The following LGALS3BP variants were observed in gnomAD, a reference collection of about 807,000 sequenced individuals.
LGALS3BP encodes the protein galectin-3-binding protein.
In LGALS3BP, 25 loss-of-function variants were observed where a neutral mutation model predicts 22.9. That is an observed-to-expected ratio of 1.09 (90% CI 0.80 to 1.53). The LOEUF (loss-of-function observed/expected upper bound fraction) is 1.53. Ranked by LOEUF, LGALS3BP falls within the 40% of genes most tolerant of loss-of-function variation. The probability of loss-of-function intolerance (pLI) is 0.00; values close to 1 mark genes in which losing one functional copy is unlikely to be tolerated. For synonymous variants in LGALS3BP, 335 were observed against 331.1 expected, an observed-to-expected ratio of 1.01 and a Z score of -0.13; for missense variants, 718 against 752.0, an observed-to-expected ratio of 0.95 and a Z score of 0.53.
In LGALS3BP at chr17:78,976,156, C is replaced by A; in HGVS notation, c.53G>T (p.Gly18Val). 2 of 1,571,418 alleles carry A rather than the reference C, an allele frequency of 1.3e-6. No homozygotes were observed. The highest frequency in any genetic ancestry group is 1.2e-5 in the South Asian group (1 of 85,682). ...WVWLLVAGTQ[G>V]VNDGDMRLAD... ...CAGCCGCATGTCACCATCGTTCACGCCTGCAGGCAGAGACCAGCGAGGGCG... is the reference window on the plus strand; with the variant it reads ...CAGCCGCATGTCACCATCGTTCACGACTGCAGGCAGAGACCAGCGAGGGCG... Residue 18 changes from glycine to valine, a missense_variant and splice_region_variant, in exon 3 of 6, where the codon GGC becomes GTC. Coordinates refer to ENST00000262776, the MANE Select transcript of LGALS3BP (RefSeq NM_005567.4). The surrounding 1 kb of genome is among the most constrained non-coding windows in gnomAD (Gnocchi z 4.6).
rs201434077 is a variant in LGALS3BP at position 78,977,166 on chromosome 17, A to G, written c.26T>C (p.Val9Ala). 1.2e-6 allele frequency: 2 copies of G among 1,613,314 alleles called. No homozygotes were observed. Among genetic ancestry groups the G allele is most frequent in the East Asian group, 4.5e-5 (2 of 44,856 alleles). The change falls in exon 2 of 6, where the codon GTG becomes GCG. Residue 9 changes from valine (V) to alanine (A), a missense_variant. Coordinates refer to ENST00000262776, the MANE Select transcript of LGALS3BP (RefSeq NM_005567.4). MTPPRLFWVWLLVAGTQGV... is the reference protein window; with the variant it reads MTPPRLFWAWLLVAGTQGV... Reference sequence around the variant, plus strand: ...TTGGGTTCCTGCAACCAGCAGCCACACCCAGAAGAGCCTCGGAGGGGTCAT... The same window carrying G: ...TTGGGTTCCTGCAACCAGCAGCCACGCCCAGAAGAGCCTCGGAGGGGTCAT...
Position 78,976,968 on chromosome 17 carries a change from C to A in LGALS3BP, c.52+172G>T. On this transcript the variant is annotated intron_variant, in intron 2 of 5. Transcript: ENST00000262776. The surrounding 1 kb of genome is among the most constrained non-coding windows in gnomAD (Gnocchi z 4.6). ...CTGAACCCAGGTGAGCCCCCGGGAA[C>A]CTCCAAGTCATCATCACTGGGGATA... The A allele has an allele frequency of 4.4e-6, 3 of 675,662 alleles. No individual in the cohort carries two copies. The highest frequency in any genetic ancestry group is 7.9e-6 in the Non-Finnish European group (3 of 381,874). 41.9% of individuals were successfully genotyped at this position (675,662 alleles called of 1,614,324 possible). A position where few individuals can be genotyped will look rare whatever the true frequency, so the allele number is the denominator to read the frequency against.
At position 78,976,993 on chromosome 17, in the gene LGALS3BP, A is replaced by G. The variant is rs753276109; in HGVS notation, c.52+147T>C. 6.3e-5 allele frequency: 49 copies of G among 778,672 alleles called. No homozygotes were observed. Among genetic ancestry groups the G allele is most frequent in the Non-Finnish European group, 1.0e-4 (47 of 457,064 alleles). 48.2% of individuals were successfully genotyped at this position (778,672 alleles called of 1,614,324 possible). ...CCTCCAAGTCATCATCACTGGGGATACCTGGTGCTTCAAGCAGGAGAGAAG... is the reference window on the plus strand; with the variant it reads ...CCTCCAAGTCATCATCACTGGGGATGCCTGGTGCTTCAAGCAGGAGAGAAG... On this transcript the variant is annotated intron_variant, in intron 2 of 5. Transcript: ENST00000262776. The surrounding 1 kb of genome is among the most constrained non-coding windows in gnomAD (Gnocchi z 4.6).
chr17:78,972,176 C>T lies in LGALS3BP; in HGVS notation c.1158G>A (p.Val386=), dbSNP rs146920010. Residue 386 remains valine (V), a synonymous_variant, in exon 6 of 6, where the codon GTG becomes GTA. Coordinates refer to ENST00000262776, the MANE Select transcript of LGALS3BP (RefSeq NM_005567.4). This position sits in a 1 kb window ranked among gnomAD's most constrained non-coding sequence, Gnocchi z 5.1. ...KTLQALEFHT[V]PFQLLARYKG... ...TGTACCGGGCCAGCAACTGGAAGGG[C>T]ACAGTGTGGAATTCCAGGGCCTGCA... 8 of 1,613,888 alleles carry T rather than the reference C, an allele frequency of 5.0e-6. No homozygotes were observed. The highest frequency in any genetic ancestry group is 1.3e-5 in the African/African-American group (1 of 74,892).
At position 78,973,392 on chromosome 17, in the gene LGALS3BP, C is replaced by G. The variant is rs1396995577; in HGVS notation, c.377-170G>C. On this transcript the variant is annotated intron_variant, in intron 4 of 5. Transcript: ENST00000262776. The surrounding 1 kb of genome is among the most constrained non-coding windows in gnomAD (Gnocchi z 5.8). ...GACCGGAAGTGTCGGATTCCTGGAC[C>G]CTGAGGCCCCGCCCCTTCCAGCCCT... 1.3e-6 allele frequency: 1 copy of G among 790,624 alleles called. No individual in the cohort carries two copies. The highest frequency in any genetic ancestry group is 1.9e-6 in the Non-Finnish European group (1 of 518,214). 49.0% of individuals were successfully genotyped at this position (790,624 alleles called of 1,614,324 possible).
rs766110868 is a variant in LGALS3BP at position 78,976,885 on chromosome 17, G to T, written c.52+255C>A. ...ACTGCTGGTTTGATCAGCCCCTCTG[G>T]TTCCCTCTGGACGGAATGGAGGATT... On this transcript the variant is annotated intron_variant, in intron 2 of 5. Transcript: ENST00000262776. This position sits in a 1 kb window ranked among gnomAD's most constrained non-coding sequence, Gnocchi z 4.6. 17 of 535,090 alleles carry T rather than the reference G, an allele frequency of 3.2e-5. No individual in the cohort carries two copies. The highest frequency in any genetic ancestry group is 5.4e-5 in the Non-Finnish European group (16 of 298,210). 33.1% of individuals were successfully genotyped at this position (535,090 alleles called of 1,614,324 possible).
At position 78,973,676 on chromosome 17, in the gene LGALS3BP, C is replaced by T. The variant is rs537191531; in HGVS notation, c.377-454G>A. Among the ~76,000 whole-genome samples, 9 of 152,266 alleles carry T rather than the reference C, an allele frequency of 5.9e-5. No individual in the cohort carries two copies. Among genetic ancestry groups the T allele is most frequent in the East Asian group, 3.9e-4 (2 of 5,170 alleles). On this transcript the variant is annotated intron_variant, in intron 4 of 5. Coordinates refer to ENST00000262776, the MANE Select transcript of LGALS3BP (RefSeq NM_005567.4). This position sits in a 1 kb window ranked among gnomAD's most constrained non-coding sequence, Gnocchi z 5.8. ...CGGGGGTCCTCGAGCAGCTTCCTGT[C>T]GGGGAGAAGGCCTGCAGAAGTCATG...
chr17:78,978,769 A>G (rs546097833), intron 1 of LGALS3BP, among the ~76,000 whole-genome samples: 2 of 152,338 alleles, frequency 1.3e-5, no homozygotes, highest in Admixed American at 1.3e-4. Flanking sequence ...GGGCCTTGGA[A>G]AAATGGCCAA....
rs1301973839 is a variant in LGALS3BP, at chr17:78,972,096, G to A, written c.1238C>T (p.Thr413Ile). 2 of 1,613,400 alleles carry A rather than the reference G, an allele frequency of 1.2e-6. No homozygotes were observed. The highest frequency in any genetic ancestry group is 8.5e-7 in the Non-Finnish European group (1 of 1,179,416). Residue 413 changes from threonine to isoleucine, a missense_variant, in exon 6 of 6, where the codon ACC (threonine) becomes ATC (isoleucine). Physicochemically the swap from Thr to Ile is moderately conservative, Grantham distance 89. Coordinates refer to ENST00000262776, the MANE Select transcript of LGALS3BP (RefSeq NM_005567.4). The surrounding 1 kb of genome is among the most constrained non-coding windows in gnomAD (Gnocchi z 5.1). ...ACTGTCTGTCACAAAGGCACTCCAG[G>A]TGGGCGAGGTGTAAATCCGGGGCTT... ...TYKPRIYTSP[T>I]WSAFVTDSSW...
Position 78,974,721 on chromosome 17 carries a change from G to C in LGALS3BP, c.343C>G (p.His115Asp). The change falls in exon 4 of 6, where the codon CAC becomes GAC. Residue 115 changes from histidine (H) to aspartate (D), a missense_variant. His to Asp is a moderately conservative substitution (Grantham distance 81). Coordinates refer to ENST00000262776, the MANE Select transcript of LGALS3BP (RefSeq NM_005567.4). ...SLGWLKSNCR[H>D]ERDAGVVCTN... ...CAGACCACACCAGCGTCTCTCTCGTGCCTGCAGTTGCTCTTCAGCCAGCCC... is the reference window on the plus strand; with the variant it reads ...CAGACCACACCAGCGTCTCTCTCGTCCCTGCAGTTGCTCTTCAGCCAGCCC... The C allele has an allele frequency of 6.2e-7, 1 of 1,613,778 alleles. No individual in the cohort carries two copies. The highest frequency in any genetic ancestry group is 8.5e-7 in the Non-Finnish European group (1 of 1,180,002).
At position 78,972,891 on chromosome 17, in the gene LGALS3BP, T is replaced by G. The variant is rs762484485; in HGVS notation, c.629+79A>C. The G allele has an allele frequency of 1.9e-5, 29 of 1,521,176 alleles. No homozygotes were observed. The highest frequency in any genetic ancestry group is 2.6e-5 in the Non-Finnish European group (29 of 1,127,102). The allele number at this position is 1,521,176 out of a possible 1,614,324, so 94.2% of individuals were successfully genotyped here. A position where few individuals can be genotyped will look rare whatever the true frequency, so the allele number is the denominator to read the frequency against. ...ATGCATGAGTATGTGCAGGTGTGTG[T>G]GTGGGGGGCTGTGCTTTTGAAGAGG... is the stretch of plus-strand genomic sequence containing the variant. On this transcript the variant is annotated intron_variant, in intron 5 of 5. Transcript: ENST00000262776. The surrounding 1 kb of genome is among the most constrained non-coding windows in gnomAD (Gnocchi z 5.1).
chr17:78,978,342 C>T (rs953127487), intron 1 of LGALS3BP, among the ~76,000 whole-genome samples: 2 of 152,240 alleles, frequency 1.3e-5, no homozygotes, highest in Non-Finnish European at 2.9e-5. Context: ...GGGACTCGTG[C>T]TCGCTGGCAC....
intron 3 of LGALS3BP, chr17:78,975,120 A>C (rs1433998995): frequency 7.9e-6 from 3 of 379,908 alleles, no homozygotes; most frequent in Non-Finnish European, 1.5e-5. Context: ...TTGTGTGACT[A>C]TCCCTGCAAC....
In LGALS3BP at chr17:78,976,056, G is replaced by T. The variant is rs1315683273; in HGVS notation, c.153C>A (p.Asn51Lys). The T allele has an allele frequency of 6.2e-7, 1 of 1,612,588 alleles. No individual in the cohort carries two copies. The highest frequency in any genetic ancestry group is 8.5e-7 in the Non-Finnish European group (1 of 1,179,770). The part of the protein sequence containing the change: ...YRGQWGTVCD[N>K]LWDLTDASVV... ...CGCTGGCATCAGTCAGGTCCCACAG[G>T]TTGTCACACACAGTGCCCCACTGGC... Residue 51 changes from asparagine (N) to lysine (K), a missense_variant, in exon 3 of 6, where the codon AAC (asparagine) becomes AAA (lysine). Physicochemically the swap from Asn to Lys is moderately conservative, Grantham distance 94 (BLOSUM62 0). Transcript: ENST00000262776. The surrounding 1 kb of genome is among the most constrained non-coding windows in gnomAD (Gnocchi z 4.6).
intron 3 of LGALS3BP, among the ~76,000 whole-genome samples, chr17:78,975,485 G>A (rs1225560004): frequency 6.6e-6 from 1 of 152,132 alleles, no homozygotes; most frequent in African/African-American, 2.4e-5. Context: ...AACTTGATCC[G>A]CAGGCCTTCA....
chr17:78,976,173 G>A lies in LGALS3BP; in HGVS notation c.53-17C>T. ...CGTTCACGCCTGCAGGCAGAGACCA[G>A]CGAGGGCGAGGCTGGGGCCTGCAGC... On this transcript the variant is annotated splice_polypyrimidine_tract_variant and intron_variant, in intron 2 of 5. Coordinates refer to ENST00000262776, the MANE Select transcript of LGALS3BP (RefSeq NM_005567.4). This position sits in a 1 kb window ranked among gnomAD's most constrained non-coding sequence, Gnocchi z 4.6. The A allele has an allele frequency of 1.9e-6, 3 of 1,543,778 alleles. No individual in the cohort carries two copies. The highest frequency in any genetic ancestry group is 2.6e-6 in the Non-Finnish European group (3 of 1,143,856).
At position 78,974,676 on chromosome 17, in the gene LGALS3BP, G is replaced by A. The variant is rs374495903; in HGVS notation, c.376+12C>T. Reference sequence around the variant, plus strand: ...CACTGGGGCCTCCGCAGGGAGGTGCGCCCCCGCTCACCATTGGTGCAGACC... The same window carrying A: ...CACTGGGGCCTCCGCAGGGAGGTGCACCCCCGCTCACCATTGGTGCAGACC... On this transcript the variant is annotated intron_variant, in intron 4 of 5. Transcript: ENST00000262776. The A allele has an allele frequency of 4.2e-5, 67 of 1,610,790 alleles. No individual in the cohort carries two copies. Among genetic ancestry groups the A allele is most frequent in the African/African-American group, 3.5e-4 (26 of 75,010 alleles).
Position 78,976,021 on chromosome 17 carries a change from C to T in LGALS3BP, c.188G>A (p.Arg63Gln), listed in dbSNP as rs774132171. ...GGTGGCGTTCTCGAAGCCCAGGGCC[C>T]GGCAGACGACGCTGGCATCAGTCAG... ...WDLTDASVVC[R>Q]ALGFENATQA... The change falls in exon 3 of 6, where the codon CGG becomes CAG. Residue 63 changes from arginine (R) to glutamine (Q), a missense_variant. By Grantham distance (43) the Arg-to-Gln change is conservative. Coordinates refer to ENST00000262776, the MANE Select transcript of LGALS3BP (RefSeq NM_005567.4). The surrounding 1 kb of genome is among the most constrained non-coding windows in gnomAD (Gnocchi z 4.6). 17 of 1,612,584 alleles carry T rather than the reference C, an allele frequency of 1.1e-5. No individual in the cohort carries two copies. In the South Asian group the frequency reaches 1.1e-4, roughly 10 times the overall value.
In LGALS3BP at chr17:78,971,705, C is replaced by A. The variant is rs763684344; in HGVS notation, c.1629G>T (p.Ala543=). 5.6e-6 allele frequency: 9 copies of A among 1,613,968 alleles called. No individual in the cohort carries two copies. The Middle Eastern group carries it at 5.0e-4, about 89-fold the overall frequency. ...TGTTGGTGTCCAGGGCACTGGGAAT[C>A]GCAGCCTTCCAGCCCTCGAAATCGG... ...DVTDFEGWKA[A]IPSALDTNSS... is the part of the protein sequence containing the mutation. The change falls in exon 6 of 6, where the codon GCG becomes GCT. Residue 543 remains alanine (A), a synonymous_variant. Coordinates refer to ENST00000262776, the MANE Select transcript of LGALS3BP (RefSeq NM_005567.4). The surrounding 1 kb of genome is among the most constrained non-coding windows in gnomAD (Gnocchi z 5.6).
Sources: allele counts gnomAD v4.1 joint callset (sites outside exome capture counted in the v4.1 genomes callset), GRCh38; gene constraint gnomAD v4.1.1; non-coding constraint Gnocchi (gnomAD v3.1); transcripts MANE v1.5; gene names NCBI Gene and HGNC (gene_info 2026-07-23, HGNC 2026-07-21).